The following MTREX variants were observed in gnomAD, a reference collection of about 807,000 sequenced individuals.
MTREX encodes the protein exosome RNA helicase MTR4.
MTREX carries 76 observed loss-of-function variants against 135.4 expected under a neutral mutation model. The ratio of observed to expected loss-of-function variants is 0.56; its 90% CI spans 0.47 to 0.68. The LOEUF is 0.68. Ranked by LOEUF, MTREX falls within the 30% of genes least tolerant of loss-of-function variation. The pLI is 0.00. For missense variants in MTREX, 920 were observed against 1,262.1 expected (o/e 0.73, Z 4.11); for synonymous variants, 404 against 401.6 (o/e 1.01, Z -0.07).
chr5:55,335,341 A>G (rs1231485352), intron 5 of MTREX, among the ~76,000 whole-genome samples: 1 of 152,040 alleles, frequency 6.6e-6, no homozygotes, highest in Non-Finnish European at 1.5e-5. Context: ...TAGATTGTTC[A>G]TGCAATTGGT....
At chr5:55,379,933 TA>T (rs941869902) in intron 18 of MTREX, among the ~76,000 whole-genome samples, 1 of 152,166 alleles carries the variant, frequency 6.6e-6, no homozygotes, top group South Asian at 2.1e-4. Flanking sequence ...ATTTTTTGTT[TA>T]TTTTTTTTCT....
intron 5 of MTREX, among the ~76,000 whole-genome samples, chr5:55,333,031 C>A (rs1028098035): frequency 1.5e-4 from 23 of 151,974 alleles, no homozygotes; most frequent in African/African-American, 5.6e-4. Context: ...TCTTTGCATA[C>A]CTTTTATTGA....
At chr5:55,373,965 T>TA (rs1423654113) in intron 16 of MTREX, among the ~76,000 whole-genome samples, 4 of 151,956 alleles carry the variant, frequency 2.6e-5, no homozygotes, top group Non-Finnish European at 4.4e-5. Context: ...TTATGTAACA[T>TA]AAAAAATACA....
intron 1 of MTREX, among the ~76,000 whole-genome samples, chr5:55,314,989 G>A (rs1749176187): frequency 6.6e-6 from 1 of 152,222 alleles, no homozygotes; most frequent in Non-Finnish European, 1.5e-5. Flanking sequence ...TTCCTGCTAT[G>A]CAGCCTGGTT....
chr5:55,379,328 A>G (rs1750356341), intron 18 of MTREX, 133 bp downstream of exon 18: 5 of 553,384 alleles, frequency 9.0e-6, no homozygotes, highest in Non-Finnish European at 1.6e-5. Flanking sequence ...ATGAGGAATT[A>G]ATTTTTGGAA....
intron 1 of MTREX, among the ~76,000 whole-genome samples, chr5:55,310,465 A>G (rs1749093677): frequency 6.6e-6 from 1 of 152,146 alleles, no homozygotes; most frequent in South Asian, 2.1e-4. Context: ...AAATTTAGCC[A>G]TGCCTGGTGG....
At chr5:55,359,215 T>G (rs1043109199) in intron 15 of MTREX, among the ~76,000 whole-genome samples, 2 of 152,252 alleles carry the variant, frequency 1.3e-5, no homozygotes, top group Non-Finnish European at 2.9e-5. Flanking sequence ...TTTATTTTGC[T>G]TGCTTAGTAT....
At position 55,368,850 on chromosome 5, in the gene MTREX, G is replaced by A. The variant is rs181962438; in HGVS notation, c.1810+1975G>A. Among the ~76,000 whole-genome samples, 159 of 152,144 alleles carry A rather than the reference G, an allele frequency of 1.0e-3. 1 individual carries two copies. The highest frequency in any genetic ancestry group is 3.7e-3 in the African/African-American group (153 of 41,508). ...CTGACAGTTTCTTAAAATGTGAGCT[G>A]GATGATCTCAACACTCACCTTTAGT... On this transcript the variant is annotated intron_variant, in intron 16 of 26. Coordinates refer to ENST00000230640, the MANE Select transcript of MTREX (RefSeq NM_015360.5).
chr5:55,403,324 A>G lies in MTREX; in HGVS notation c.2482-2101A>G, dbSNP rs552338689. ...TGGAACCCACGGATATGTAGGGCCAACTGTATATCTGTGTTCTTTTATAAA... is the reference window on the plus strand; with the variant it reads ...TGGAACCCACGGATATGTAGGGCCAGCTGTATATCTGTGTTCTTTTATAAA... On this transcript the variant is annotated intron_variant, in intron 21 of 26. Transcript: ENST00000230640. Among the ~76,000 whole-genome samples the G allele has an allele frequency of 1.3e-3, 193 of 152,290 alleles. 1 individual carries two copies. Among genetic ancestry groups the G allele is most frequent in the Admixed American group, 4.3e-3 (66 of 15,294 alleles).
At chr5:55,392,849 C>T (rs1487955410) in intron 19 of MTREX, among the ~76,000 whole-genome samples, 2 of 152,148 alleles carry the variant, frequency 1.3e-5, no homozygotes, top group African/African-American at 4.8e-5. Flanking sequence ...TTGTTTCTCC[C>T]AGCTGTCATT....
At position 55,379,582 on chromosome 5, in the gene MTREX, AC is replaced by A. The variant is rs1201726595; in HGVS notation, c.2052+388del. ...CTCCCCAAATCTCCCTGACACACAC[AC>A]ACACACACACACACACACACACACA... On this transcript the variant is annotated intron_variant, in intron 18 of 26. Transcript: ENST00000230640. Among the ~76,000 whole-genome samples, 608 of 114,058 alleles carry A rather than the reference AC, an allele frequency of 5.3e-3. 4 individuals carry two copies. The highest frequency in any genetic ancestry group is 0.023 in the African/African-American group (580 of 25,038). 74.8% of individuals were successfully genotyped at this position (114,058 alleles called of 152,430 possible).
intron 8 of MTREX, among the ~76,000 whole-genome samples, chr5:55,344,260 A>G (rs893204144): frequency 6.6e-6 from 1 of 152,174 alleles, no homozygotes; most frequent in Non-Finnish European, 1.5e-5. Flanking sequence ...TTCCAGGGCT[A>G]GGTAATGGGT....
At chr5:55,374,645 C>A (rs1028331401) in intron 16 of MTREX, among the ~76,000 whole-genome samples, 5 of 152,078 alleles carry the variant, frequency 3.3e-5, no homozygotes, top group African/African-American at 1.2e-4. Context: ...ACTTTGTTTC[C>A]TTCTTTACCT....
rs983426472 is a variant in MTREX at position 55,313,066 on chromosome 5, A to G, written c.134+4919A>G. ...AAATAGAATTCATACTGACATTTCC[A>G]GTACAATTAACATCACAGGGTTTTT... On this transcript the variant is annotated intron_variant, in intron 1 of 26. Coordinates refer to ENST00000230640, the MANE Select transcript of MTREX (RefSeq NM_015360.5). Among the ~76,000 whole-genome samples the G allele has an allele frequency of 5.3e-5, 8 of 152,170 alleles. No homozygotes were observed. The East Asian group carries it at 5.8e-4, about 11-fold the overall frequency.
chr5:55,419,702 C>T (rs1387888282), intron 25 of MTREX, among the ~76,000 whole-genome samples: 13 of 152,316 alleles, frequency 8.5e-5, no homozygotes, highest in Middle Eastern at 3.4e-3. Context: ...TTGCTTTCCA[C>T]TGAGCAAGTG....
chr5:55,370,951 T>TA (rs1750185865), intron 16 of MTREX, among the ~76,000 whole-genome samples: 1 of 152,246 alleles, frequency 6.6e-6, no homozygotes, highest in African/African-American at 2.4e-5. Flanking sequence ...ATGGCTCACA[T>TA]ACATGAGATG....
chr5:55,373,846 T>G (rs963061784), intron 16 of MTREX, among the ~76,000 whole-genome samples: 3 of 152,096 alleles, frequency 2.0e-5, no homozygotes, highest in Admixed American at 6.6e-5. Flanking sequence ...AGGTGGATAA[T>G]GTCAAAATTA....
At chr5:55,328,925 A>G (rs1039347214) in intron 5 of MTREX, 114 bp downstream of exon 5, 11 of 580,428 alleles carry the variant, frequency 1.9e-5, no homozygotes, top group African/African-American at 7.6e-5. Context: ...CTTTTGAACA[A>G]TTTCTTTTTC....
At chr5:55,349,375 G>A (rs939190959) in intron 11 of MTREX, among the ~76,000 whole-genome samples, 198 bp from the exon 12 acceptor site, 1 of 152,004 alleles carries the variant, frequency 6.6e-6, no homozygotes. Flanking sequence ...TTTTTGTAGA[G>A]ACAGGGCTTC....
Sources: allele counts gnomAD v4.1 joint callset (sites outside exome capture counted in the v4.1 genomes callset), GRCh38; gene constraint gnomAD v4.1.1; transcripts MANE v1.5; gene names NCBI Gene and HGNC (gene_info 2026-07-23, HGNC 2026-07-21).